Variants in SUPT3H observed in about 807,000 individuals in gnomAD.
The protein encoded by SUPT3H is transcription initiation protein SPT3 homolog.
In SUPT3H, 44 loss-of-function variants were observed where a neutral mutation model predicts 44.3. That is an observed-to-expected ratio of 0.99 (90% confidence interval 0.78 to 1.28). The LOEUF (loss-of-function observed/expected upper bound fraction) is 1.28. SUPT3H is among the 50% of genes most tolerant of loss of function. SUPT3H has a pLI of 0.00. For synonymous variants in SUPT3H, 124 were observed against 125.6 expected (o/e 0.99, Z 0.09); for missense variants, 380 against 387.1 (o/e 0.98, Z 0.15).
chr6:45,062,154 T>C (rs918329111), intron 3 of SUPT3H, among the ~76,000 whole-genome samples: 4 of 151,998 alleles, frequency 2.6e-5, no homozygotes, highest in African/African-American at 9.7e-5. Context: ...CAGATGCCTC[T>C]TTTAGGTGAA....
chr6:44,948,443 G>A (rs1773705215), intron 9 of SUPT3H, among the ~76,000 whole-genome samples: 1 of 152,136 alleles, frequency 6.6e-6, no homozygotes, highest in South Asian at 2.1e-4. Context: ...TACCATCAGA[G>A]TGAACAGGCA....
At chr6:45,133,858 C>T (rs745870175) in intron 2 of SUPT3H, among the ~76,000 whole-genome samples, 8 of 152,158 alleles carry the variant, frequency 5.3e-5, no homozygotes, top group Non-Finnish European at 8.8e-5. Context: ...CACCTCCACT[C>T]GCCTGAAGTA....
chr6:45,171,625 T>C (rs1810776313), intron 2 of SUPT3H, among the ~76,000 whole-genome samples: 1 of 151,824 alleles, frequency 6.6e-6, no homozygotes, highest in African/African-American at 2.4e-5. Flanking sequence ...TATGATCTTA[T>C]GTAATATCAA....
intron 10 of SUPT3H, among the ~76,000 whole-genome samples, chr6:44,893,542 G>T (rs1268359299): frequency 6.6e-6 from 1 of 152,202 alleles, no homozygotes; most frequent in Non-Finnish European, 1.5e-5. Context: ...CCCTACAAAG[G>T]ACGTGAACTC....
chr6:45,280,875 T>C (rs1461015101), intron 2 of SUPT3H, among the ~76,000 whole-genome samples: 7 of 152,170 alleles, frequency 4.6e-5, no homozygotes, highest in Non-Finnish European at 8.8e-5. Flanking sequence ...CATTCCTAAA[T>C]ATTTAAAACT....
intron 7 of SUPT3H, among the ~76,000 whole-genome samples, chr6:44,958,267 TTTC>T (rs1480282515): frequency 6.6e-6 from 1 of 152,216 alleles, no homozygotes; most frequent in African/African-American, 2.4e-5. Context: ...ACTTTTTATC[TTTC>T]TTATCAATGA....
At chr6:45,126,187 T>G (rs1382875790) in intron 2 of SUPT3H, among the ~76,000 whole-genome samples, 1 of 152,196 alleles carries the variant, frequency 6.6e-6, no homozygotes, top group African/African-American at 2.4e-5. Flanking sequence ...GAAAAAAACC[T>G]CTGATTTACA....
At chr6:45,281,565 C>G (rs557941306) in intron 2 of SUPT3H, among the ~76,000 whole-genome samples, 1 of 152,140 alleles carries the variant, frequency 6.6e-6, no homozygotes, top group South Asian at 2.1e-4. Context: ...CCATTGCCGA[C>G]GCTTGAGTAG....
chr6:44,824,814 T>C (rs1232870659), downstream of SUPT3H, among the ~76,000 whole-genome samples: 1 of 152,216 alleles, frequency 6.6e-6, no homozygotes. Flanking sequence ...AAATTGTGCA[T>C]GGTAGCTTTT....
At chr6:44,952,975 C>G (rs755098766) in intron 9 of SUPT3H, among the ~76,000 whole-genome samples, 1 of 152,058 alleles carries the variant, frequency 6.6e-6, no homozygotes, top group Non-Finnish European at 1.5e-5. Context: ...TTTTGAAGCA[C>G]AAAGAAATAA....
At chr6:45,242,898 A>G (rs1282275750) in intron 2 of SUPT3H, among the ~76,000 whole-genome samples, 1 of 152,184 alleles carries the variant, frequency 6.6e-6, no homozygotes, top group African/African-American at 2.4e-5. Context: ...AAAGCTTTTA[A>G]AAGAGCTATT....
At chr6:44,862,605 C>A (rs1209114862) in intron 10 of SUPT3H, among the ~76,000 whole-genome samples, 1 of 147,918 alleles carries the variant, frequency 6.8e-6, no homozygotes, top group African/African-American at 2.5e-5. Context: ...TTGAACAAGG[C>A]GGGTGGAGGT....
chr6:44,856,668 G>A (rs140105069), intron 10 of SUPT3H, among the ~76,000 whole-genome samples: 73 of 152,240 alleles, frequency 4.8e-4, no homozygotes, highest in African/African-American at 1.7e-3. Context: ...TTACCAAATA[G>A]TTGGGCTTTG....
chr6:45,192,656 C>T (rs1815335029), intron 2 of SUPT3H, among the ~76,000 whole-genome samples: 1 of 151,950 alleles, frequency 6.6e-6, no homozygotes, highest in Non-Finnish European at 1.5e-5. Context: ...AAGCCTTTAT[C>T]ATATAACAAA....
At chr6:44,879,233 G>T (rs1777797898) in intron 10 of SUPT3H, among the ~76,000 whole-genome samples, 1 of 152,164 alleles carries the variant, frequency 6.6e-6, no homozygotes, top group African/African-American at 2.4e-5. Context: ...ATTCGAGCTT[G>T]GTGGTGGGAG....
intron 2 of SUPT3H, among the ~76,000 whole-genome samples, chr6:45,133,026 T>C (rs546068394): frequency 2.0e-5 from 3 of 152,132 alleles, no homozygotes; most frequent in Non-Finnish European, 2.9e-5. Flanking sequence ...ACTTGAATAA[T>C]AAAGGGATAA....
intron 2 of SUPT3H, among the ~76,000 whole-genome samples, chr6:45,202,919 T>C (rs191524141): frequency 1.3e-5 from 2 of 151,876 alleles, no homozygotes; most frequent in Admixed American, 6.6e-5. Flanking sequence ...TGTGTGTGTG[T>C]ATATATATAT....
chr6:45,230,372 G>C (rs754872720), intron 2 of SUPT3H, among the ~76,000 whole-genome samples: 1 of 151,870 alleles, frequency 6.6e-6, no homozygotes, highest in Non-Finnish European at 1.5e-5. Flanking sequence ...TCTTTCTTTA[G>C]ATCTAGTAAT....
chr6:45,019,272 G>A (rs11967224), intron 4 of SUPT3H, among the ~76,000 whole-genome samples: 31,287 of 151,576 alleles, frequency 0.21, 3,923 homozygotes, highest in Non-Finnish European at 0.29. Flanking sequence ...CGGTCTATCA[G>A]TTTTGTTGAT....
Sources: gnomAD v4.1 joint callset for allele counts (sites outside exome capture counted in the v4.1 genomes callset) on GRCh38, gnomAD v4.1.1 for gene constraint, MANE v1.5 for transcripts, NCBI Gene and HGNC (gene_info 2026-07-23, HGNC 2026-07-21) for gene names.